The following ESF1 variants were observed in gnomAD, a reference collection of about 807,000 sequenced individuals.
ESF1 encodes ESF1 homolog.
Under a neutral mutation model 92.0 loss-of-function variants are expected in ESF1, and 58 were observed. That is an observed-to-expected ratio of 0.63 (90% confidence interval 0.51 to 0.78). ESF1 has a LOEUF of 0.78. Ranked by LOEUF, ESF1 falls within the 30% of genes least tolerant of loss-of-function variation. The pLI, the probability that ESF1 is intolerant of heterozygous loss-of-function variation, is 0.00. For missense variants in ESF1, 922 were observed against 989.1 expected, an observed-to-expected ratio of 0.93 and a Z score of 0.91; for synonymous variants, 321 against 313.7, an observed-to-expected ratio of 1.02 and a Z score of -0.24.
At chr20:13,718,084 A>G (rs1319829659) in intron 12 of ESF1, among the ~76,000 whole-genome samples, 2 of 151,992 alleles carry the variant, frequency 1.3e-5, no homozygotes, top group Non-Finnish European at 2.9e-5. Flanking sequence ...CAGCCATGGG[A>G]TTAAACGAGA....
intron 9 of ESF1, among the ~76,000 whole-genome samples, chr20:13,758,035 T>C (rs1344958153): frequency 6.7e-6 from 1 of 148,956 alleles, no homozygotes; most frequent in Admixed American, 6.8e-5. Context: ...CTGAGTAGCA[T>C]AATTATGTAG....
chr20:13,737,217 C>T (rs1344332385), intron 9 of ESF1, among the ~76,000 whole-genome samples: 1 of 152,138 alleles, frequency 6.6e-6, no homozygotes, highest in African/African-American at 2.4e-5. Context: ...AAAATAACAT[C>T]AATAATCCTA....
At chr20:13,769,194 C>G in intron 7 of ESF1, among the ~76,000 whole-genome samples, 1 of 152,132 alleles carries the variant, frequency 6.6e-6, no homozygotes, top group Middle Eastern at 3.2e-3. Context: ...ATAGGAGATA[C>G]TCTTATTTTA....
Position 13,775,213 on chromosome 20 carries a change from A to C in ESF1, c.1093T>G (p.Leu365Val). Residue 365 changes from leucine to valine, a missense_variant, in exon 4 of 14, where the codon TTG becomes GTG. Leu to Val is a conservative substitution (Grantham distance 32, BLOSUM62 1). Coordinates refer to ENST00000617257, the MANE Select transcript of ESF1 (RefSeq NM_001276380.2). The part of the protein sequence containing the change: ...MDWDRLKAKD[L>V]LALFNSFKPK... ...TTAAATGAATTGAACAGAGCCAGCA[A>C]ATCTTTTGCCTTTAATCTATCCCAG... The C allele has an allele frequency of 6.2e-7, 1 of 1,611,640 alleles. No individual in the cohort carries two copies. The highest frequency in any genetic ancestry group is 8.5e-7 in the Non-Finnish European group (1 of 1,179,322).
intron 9 of ESF1, among the ~76,000 whole-genome samples, chr20:13,735,374 C>A (rs941608258): frequency 6.6e-6 from 1 of 152,092 alleles, no homozygotes; most frequent in African/African-American, 2.4e-5. Flanking sequence ...CTCTAACTTA[C>A]AGGATGCCAA....
chr20:13,759,133 A>T (rs765509490), intron 9 of ESF1, among the ~76,000 whole-genome samples: 1 of 152,212 alleles, frequency 6.6e-6, no homozygotes, highest in Non-Finnish European at 1.5e-5. Flanking sequence ...AACCATGAAA[A>T]AGGGGCAACT....
intron 11 of ESF1, among the ~76,000 whole-genome samples, chr20:13,721,028 C>T (rs1042007890): frequency 2.6e-5 from 4 of 152,142 alleles, no homozygotes; most frequent in East Asian, 1.9e-4. Flanking sequence ...GAGGCTGAGG[C>T]GGGAGAATTG....
At chr20:13,720,797 T>C (rs2049862805) in intron 11 of ESF1, among the ~76,000 whole-genome samples, 1 of 152,200 alleles carries the variant, frequency 6.6e-6, no homozygotes, top group South Asian at 2.1e-4. Flanking sequence ...ATTCTCTCAA[T>C]TTTTCTCAAT....
At chr20:13,768,906 AAAAAAAAG>A (rs1979555591) in intron 7 of ESF1, among the ~76,000 whole-genome samples, 5 of 151,452 alleles carry the variant, frequency 3.3e-5, no homozygotes, top group Non-Finnish European at 5.9e-5. Flanking sequence ...TCAAAAAAAA[AAAAAAAAG>A]AAAGAAAGGA....
chr20:13,779,435 CT>C (rs1438105536), intron 2 of ESF1, among the ~76,000 whole-genome samples: 1 of 152,166 alleles, frequency 6.6e-6, no homozygotes, highest in Non-Finnish European at 1.5e-5. Flanking sequence ...TTTAAAATAA[CT>C]GGTCATATCG....
In ESF1 at chr20:13,766,689, G is replaced by A. The variant is rs139469172; in HGVS notation, c.1666+88C>T. On this transcript the variant is annotated intron_variant, in intron 8 of 13. Coordinates refer to ENST00000617257, the MANE Select transcript of ESF1 (RefSeq NM_001276380.2). Reference sequence around the variant, plus strand: ...GGTATATATAATACTGTGCATGTGAGCATATCTGCAGACAGAATTTGGCTT... The same window carrying A: ...GGTATATATAATACTGTGCATGTGAACATATCTGCAGACAGAATTTGGCTT... 5.6e-4 allele frequency: 734 copies of A among 1,301,622 alleles called. 4 individuals carry two copies. In the African/African-American group the frequency reaches 9.8e-3, roughly 17 times the overall value. The allele number at this position is 1,301,622 out of a possible 1,614,324, so 80.6% of individuals were successfully genotyped here. A position where few individuals can be genotyped will look rare whatever the true frequency, so the allele number is the denominator to read the frequency against.
At position 13,777,950 on chromosome 20, in the gene ESF1, C is replaced by A. The variant is rs1980017179; in HGVS notation, c.638-1680G>T. ...CCAAATATTTACTGAGTATCTACTA[C>A]ATACAAAGAATTGAGCTAGGATAAG... On this transcript the variant is annotated intron_variant, in intron 2 of 13. Coordinates refer to ENST00000617257, the MANE Select transcript of ESF1 (RefSeq NM_001276380.2). 2.6e-5 allele frequency among the ~76,000 whole-genome samples: 4 copies of A among 152,146 alleles called. No individual in the cohort carries two copies. In the South Asian group the frequency reaches 8.3e-4, roughly 32 times the overall value.
At chr20:13,768,897 C>CAAAAAAAAA (rs574502122) in intron 7 of ESF1, among the ~76,000 whole-genome samples, 3 of 59,170 alleles carry the variant, frequency 5.1e-5, no homozygotes, top group East Asian at 1.0e-3. Flanking sequence ...ACTCTAGTCT[C>CAAAAAAAAA]AAAAAAAAAA....
Position 13,783,116 on chromosome 20 carries a change from T to C in ESF1, c.25A>G (p.Ser9Gly), listed in dbSNP as rs745875152. 6.9e-6 allele frequency: 11 copies of C among 1,598,982 alleles called. No homozygotes were observed. The highest frequency in any genetic ancestry group is 1.8e-4 in the Middle Eastern group (1 of 5,708). Residue 9 changes from serine (S) to glycine (G), a missense_variant, in exon 2 of 14, where the codon AGT (serine) becomes GGT (glycine). Ser to Gly is a moderately conservative substitution (Grantham distance 56). Coordinates refer to ENST00000617257, the MANE Select transcript of ESF1 (RefSeq NM_001276380.2). ...GCAACCCGTCTAAACCGCTGGTCAC[T>C]CATTATTTCTTGTTTGGATGACATT... The part of the protein sequence containing the change: MSSKQEIM[S>G]DQRFRRVAKD...
intron 7 of ESF1, among the ~76,000 whole-genome samples, chr20:13,767,381 C>T (rs763951193): frequency 5.3e-5 from 8 of 151,850 alleles, no homozygotes; most frequent in African/African-American, 1.5e-4. Flanking sequence ...ATTAGCTGGG[C>T]GTGGTAGCAG....
chr20:13,728,808 G>A (rs2049920917), intron 10 of ESF1, among the ~76,000 whole-genome samples: 1 of 151,736 alleles, frequency 6.6e-6, no homozygotes, highest in African/African-American at 2.4e-5. Context: ...AAGAGGTTGT[G>A]GTGAGCCGAG....
At chr20:13,748,592 A>ATATATTTTTT (rs1331098586) in intron 9 of ESF1, among the ~76,000 whole-genome samples, 145 of 95,688 alleles carry the variant, frequency 1.5e-3, no homozygotes, top group Admixed American at 2.6e-3. Flanking sequence ...ATATATATAT[A>ATATATTTTTT]TTTTTTTTTT....
At chr20:13,737,854 C>T (rs886123494) in intron 9 of ESF1, among the ~76,000 whole-genome samples, 10 of 152,186 alleles carry the variant, frequency 6.6e-5, no homozygotes, top group African/African-American at 2.4e-4. Flanking sequence ...ACAGGGTTCG[C>T]CATGTTGGCC....
chr20:13,760,516 C>T (rs571879147), intron 8 of ESF1, among the ~76,000 whole-genome samples: 16 of 150,086 alleles, frequency 1.1e-4, no homozygotes, highest in Non-Finnish European at 1.5e-4. Context: ...ACCCTCCACC[C>T]GGCAGCCACC....
Sources: allele counts gnomAD v4.1 joint callset (sites outside exome capture counted in the v4.1 genomes callset), GRCh38; gene constraint gnomAD v4.1.1; transcripts MANE v1.5; gene names NCBI Gene and HGNC (gene_info 2026-07-23, HGNC 2026-07-21).